KIAA0825: variants seen among roughly 807,000 people sequenced by gnomAD.
KIAA0825 encodes KIAA0825, also known as uncharacterized protein KIAA0825.
A neutral mutation model predicts 147.6 loss-of-function variants in KIAA0825; 119 were observed. The ratio of observed to expected loss-of-function variants is 0.81; its 90% CI spans 0.69 to 0.94. KIAA0825 has a LOEUF of 0.94. Ranked by LOEUF, KIAA0825 falls within the 40% of genes least tolerant of loss-of-function variation. KIAA0825 has a pLI of 0.00. For synonymous variants in KIAA0825, 470 were observed against 518.1 expected (o/e 0.91, Z 1.26); for missense variants, 1,381 against 1,472.7 (o/e 0.94, Z 1.02).
chr5:94,467,072 A>G (rs958518039), intron 10 of KIAA0825, among the ~76,000 whole-genome samples: 1 of 152,200 alleles, frequency 6.6e-6, no homozygotes, highest in African/African-American at 2.4e-5. Flanking sequence ...TTAGTGATAA[A>G]TGAGAAAATA....
At chr5:94,249,534 G>A (rs1285319672) in intron 20 of KIAA0825, among the ~76,000 whole-genome samples, 1 of 152,072 alleles carries the variant, frequency 6.6e-6, no homozygotes, top group Non-Finnish European at 1.5e-5. Context: ...GAGGGCATGT[G>A]TAACACCCAG....
intron 20 of KIAA0825, among the ~76,000 whole-genome samples, chr5:94,322,594 A>T (rs1562377831): frequency 6.6e-6 from 1 of 151,896 alleles, no homozygotes; most frequent in East Asian, 1.9e-4. Flanking sequence ...TAAATAATAT[A>T]TTAAAATTTA....
chr5:94,584,929 T>G (rs747276851), intron 1 of KIAA0825, among the ~76,000 whole-genome samples: 15 of 152,148 alleles, frequency 9.9e-5, no homozygotes, highest in Non-Finnish European at 1.8e-4. Flanking sequence ...AATTTCATAT[T>G]GAGCCAAACT....
At chr5:94,567,095 A>G (rs1368809531) in intron 2 of KIAA0825, among the ~76,000 whole-genome samples, 9 of 152,186 alleles carry the variant, frequency 5.9e-5, no homozygotes, top group Non-Finnish European at 1.3e-4. Flanking sequence ...GATTTTCCCC[A>G]TAAGTCTTGG....
intron 20 of KIAA0825, among the ~76,000 whole-genome samples, chr5:94,343,545 C>T (rs925072292): frequency 5.3e-5 from 8 of 152,030 alleles, no homozygotes; most frequent in Admixed American, 3.9e-4. Flanking sequence ...AAAAATTAGC[C>T]GGGCCTAGTG....
intron 3 of KIAA0825, among the ~76,000 whole-genome samples, chr5:94,535,068 T>C (rs879083242): frequency 2.0e-5 from 3 of 152,112 alleles, no homozygotes; most frequent in Admixed American, 2.0e-4. Flanking sequence ...TAAGTCTATC[T>C]CTAAAATACA....
intron 11 of KIAA0825, among the ~76,000 whole-genome samples, chr5:94,464,522 C>T (rs986847900): frequency 2.0e-5 from 3 of 152,178 alleles, no homozygotes; most frequent in Non-Finnish European, 4.4e-5. Context: ...AAATTGACTG[C>T]TCCATCATGG....
chr5:94,389,327 T>C (rs1332923888), intron 18 of KIAA0825, among the ~76,000 whole-genome samples: 7 of 152,194 alleles, frequency 4.6e-5, no homozygotes, highest in Non-Finnish European at 7.3e-5. Context: ...CATTGGACTC[T>C]CTTCCCTGTA....
At chr5:94,296,589 A>G (rs1348838506) in intron 20 of KIAA0825, among the ~76,000 whole-genome samples, 4 of 152,188 alleles carry the variant, frequency 2.6e-5, no homozygotes, top group Non-Finnish European at 5.9e-5. Flanking sequence ...GGAAAAGCAT[A>G]GTATCTGGGC....
At chr5:94,234,344 C>T (rs1774915707) in intron 20 of KIAA0825, among the ~76,000 whole-genome samples, 1 of 150,530 alleles carries the variant, frequency 6.6e-6, no homozygotes, top group African/African-American at 2.4e-5. Context: ...GCACTCCAGC[C>T]TGGGCAACAG....
rs1772213585 is a variant in KIAA0825, at chr5:94,537,183, TA to T, written c.-1-57del. 14 of 1,420,754 alleles carry T rather than the reference TA, an allele frequency of 9.9e-6. No homozygotes were observed. In the South Asian group the frequency reaches 1.7e-4, roughly 17 times the overall value. The allele number at this position is 1,420,754 out of a possible 1,614,324, so 88.0% of individuals were successfully genotyped here. The stretch of plus-strand genomic sequence containing the variant: ...TCAGTTCCCCCACAATGGCCAGGGA[TA>T]GGGGTGGGCAGAAATTCACCTCAAG... On this transcript the variant is annotated intron_variant, in intron 2 of 20. Coordinates refer to ENST00000682413, the MANE Select transcript of KIAA0825 (RefSeq NM_001145678.3).
At chr5:94,600,631 T>C (rs1332146216) in intron 1 of KIAA0825, among the ~76,000 whole-genome samples, 2 of 152,196 alleles carry the variant, frequency 1.3e-5, no homozygotes, top group Non-Finnish European at 2.9e-5. Flanking sequence ...CTGTGCTGTC[T>C]GCCATCACTG....
intron 6 of KIAA0825, among the ~76,000 whole-genome samples, chr5:94,482,761 A>G (rs1762629614): frequency 6.6e-6 from 1 of 152,042 alleles, no homozygotes; most frequent in Non-Finnish European, 1.5e-5. Context: ...TTGTGACCAA[A>G]AAAATATGAA....
At chr5:94,319,503 A>T (rs1056770546) in intron 20 of KIAA0825, among the ~76,000 whole-genome samples, 3 of 151,916 alleles carry the variant, frequency 2.0e-5, no homozygotes, top group Non-Finnish European at 4.4e-5. Context: ...TCCAAAAGAG[A>T]ATTCTTGATT....
chr5:94,181,309 T>C (rs952352870), intron 20 of KIAA0825, among the ~76,000 whole-genome samples: 4 of 152,202 alleles, frequency 2.6e-5, no homozygotes, highest in Admixed American at 6.5e-5. Context: ...GCAAGAGATT[T>C]GGTATTCCTC....
rs1234034581 is a variant in KIAA0825 at position 94,443,577 on chromosome 5, A to G, written c.2358-3456T>C. ...TTTGCCTAAAGAATTTTTAAATTCC[A>G]GGTAGTAATGGGGTCCAAGCATTAT... is the stretch of plus-strand genomic sequence containing the variant. On this transcript the variant is annotated intron_variant, in intron 13 of 20. Coordinates refer to ENST00000682413, the MANE Select transcript of KIAA0825 (RefSeq NM_001145678.3). Among the ~76,000 whole-genome samples, 9 of 152,162 alleles carry G rather than the reference A, an allele frequency of 5.9e-5. 1 individual carries two copies.
intron 19 of KIAA0825, 126 bp downstream of exon 19, chr5:94,386,116 T>A: frequency 1.3e-6 from 1 of 758,300 alleles, no homozygotes; most frequent in Non-Finnish European, 2.1e-6. Context: ...ACCATGTAAA[T>A]AAGAACAAGG....
chr5:94,175,316 GCTTATAGTCATTTTAACAT>G lies in KIAA0825; in HGVS notation c.3711-21211_3711-21193del, dbSNP rs1768986833. ...TCTGTGACCTGTTTCCCCTTTAACT[GCTTATAGTCATTTTAACAT>G]CTGTCATCACAGCTAAAGGTGTGAT... On this transcript the variant is annotated intron_variant, in intron 20 of 20. Transcript: ENST00000682413. Among the ~76,000 whole-genome samples, 15 of 152,128 alleles carry G rather than the reference GCTTATAGTCATTTTAACAT, an allele frequency of 9.9e-5. 1 individual carries two copies. The South Asian group carries it at 3.1e-3, about 32-fold the overall frequency.
chr5:94,329,312 G>A (rs190867670), intron 20 of KIAA0825, among the ~76,000 whole-genome samples: 128 of 152,030 alleles, frequency 8.4e-4, no homozygotes, highest in Non-Finnish European at 1.7e-3. Flanking sequence ...CAAATGAAAT[G>A]GGAAAAATAT....
Sources: gnomAD v4.1 joint callset for allele counts (sites outside exome capture counted in the v4.1 genomes callset) on GRCh38, gnomAD v4.1.1 for gene constraint, MANE v1.5 for transcripts, NCBI Gene and HGNC (gene_info 2026-07-23, HGNC 2026-07-21) for gene names.